The following ABCB5 variants were observed in gnomAD, a reference collection of about 807,000 sequenced individuals.
ABCB5 encodes ATP binding cassette subfamily B member 5, also known as ATP-binding cassette sub-family B member 5.
In ABCB5, 155 loss-of-function variants were observed where a neutral mutation model predicts 144.2. The ratio of observed to expected loss-of-function variants is 1.08; its 90% CI spans 0.94 to 1.23. The LOEUF (loss-of-function observed/expected upper bound fraction) is 1.23, where lower values mean the gene tolerates loss of function less well. Ranked by LOEUF, ABCB5 falls within the 50% of genes most tolerant of loss-of-function variation. The probability of loss-of-function intolerance (pLI) is 0.00; values close to 1 mark genes in which losing one functional copy is unlikely to be tolerated. For synonymous variants in ABCB5, 610 were observed against 528.6 expected (o/e 1.15, Z -2.11); for missense variants, 1,830 against 1,520.8 (o/e 1.20, Z -3.38).
At chr7:20,669,013 AG>A in intron 14 of ABCB5, among the ~76,000 whole-genome samples, 1 of 82,362 alleles carries the variant, frequency 1.2e-5, no homozygotes, top group Admixed American at 1.2e-4. Flanking sequence ...CGCCCTATCC[AG>A]GAGGTGAGGG....
At chr7:20,632,961 T>C (rs1784070699) in intron 5 of ABCB5, among the ~76,000 whole-genome samples, 1 of 151,712 alleles carries the variant, frequency 6.6e-6, no homozygotes, top group African/African-American at 2.4e-5. Context: ...TGTATACATA[T>C]GTAACTAACC....
chr7:20,721,728 A>G (rs1781874660), intron 20 of ABCB5, among the ~76,000 whole-genome samples: 1 of 152,236 alleles, frequency 6.6e-6, no homozygotes, highest in Admixed American at 6.5e-5. Flanking sequence ...AAAAATATAC[A>G]AAAATCTCAT....
chr7:20,704,797 A>T lies in ABCB5; in HGVS notation c.2411A>T (p.Gln804Leu). 6.2e-7 allele frequency: 1 copy of T among 1,612,286 alleles called. No individual in the cohort carries two copies. Among genetic ancestry groups the T allele is most frequent in the Non-Finnish European group, 8.5e-7 (1 of 1,178,622 alleles). Reference protein sequence around the residue: ...LTTILAIDIAQIQGATGSRIG... With the variant: ...LTTILAIDIALIQGATGSRIG... ...ACAATATTAGCCATAGATATAGCAC[A>T]AATTCAAGGAGTATGTATATTGTTT... is the stretch of plus-strand genomic sequence containing the variant. Residue 804 changes from glutamine (Q) to leucine (L), a missense_variant, in exon 20 of 28, where the codon CAA becomes CTA. Gln to Leu is a moderately radical substitution (Grantham distance 113). Transcript: ENST00000404938.
Position 20,723,057 on chromosome 7 carries a change from T to G in ABCB5, c.2463T>G (p.Thr821=). The part of the protein sequence containing the change: ...SRIGVLTQNA[T]NMGLSVIISF... ...TTGGCGTCTTAACACAAAATGCAAC[T>G]AACATGGGACTTTCAGTTATCATTT... The change falls in exon 21 of 28, where the codon ACT becomes ACG. Residue 821 remains threonine, a synonymous_variant. Transcript: ENST00000404938. 6.2e-7 allele frequency: 1 copy of G among 1,614,130 alleles called. No homozygotes were observed. The highest frequency in any genetic ancestry group is 1.1e-5 in the South Asian group (1 of 91,086).
At chr7:20,713,185 T>C (rs1781552325) in intron 20 of ABCB5, among the ~76,000 whole-genome samples, 1 of 149,502 alleles carries the variant, frequency 6.7e-6, no homozygotes, top group Non-Finnish European at 1.5e-5. Flanking sequence ...TGTCCATGGA[T>C]TCATTTTTAT....
chr7:20,691,037 T>C lies in ABCB5; in HGVS notation c.2010+5201T>C, dbSNP rs1425692569. ...TAATGGCTTCTGACATTGGACATCA[T>C]GCAAAGTAGGATAGTGATCTCTGTG... is the stretch of plus-strand genomic sequence containing the variant. On this transcript the variant is annotated intron_variant, in intron 16 of 27. Transcript: ENST00000404938. 2.6e-5 allele frequency among the ~76,000 whole-genome samples: 4 copies of C among 152,044 alleles called. No individual in the cohort carries two copies. The East Asian group carries it at 7.7e-4, about 29-fold the overall frequency.
chr7:20,745,343 G>A lies in ABCB5; in HGVS notation c.3334G>A (p.Ala1112Thr), dbSNP rs749029178. The change falls in exon 26 of 28, where the codon GCC becomes ACC. Residue 1112 changes from alanine to threonine, a missense_variant. Ala to Thr is a moderately conservative substitution (Grantham distance 58, BLOSUM62 0). Coordinates refer to ENST00000404938, the MANE Select transcript of ABCB5 (RefSeq NM_001163941.2). Reference protein sequence around the residue: ...LFNCSIAENIAYGDNSRVVPL... With the variant: ...LFNCSIAENITYGDNSRVVPL... ...CAACTGCAGCATTGCTGAGAACATC[G>A]CCTATGGTGACAACAGCCGTGTGGT... 31 of 1,613,958 alleles carry A rather than the reference G, an allele frequency of 1.9e-5. No individual in the cohort carries two copies. The African/African-American group carries it at 2.3e-4, about 12-fold the overall frequency.
chr7:20,717,945 A>G (rs1209775634), intron 20 of ABCB5, among the ~76,000 whole-genome samples: 2 of 107,826 alleles, frequency 1.9e-5, no homozygotes, highest in Non-Finnish European at 3.3e-5. Flanking sequence ...TCTGTCGCCC[A>G]GGCTGGAGTG....
At chr7:20,623,787 T>C (rs1008224176) in intron 2 of ABCB5, among the ~76,000 whole-genome samples, 2 of 152,242 alleles carry the variant, frequency 1.3e-5, no homozygotes, top group Non-Finnish European at 2.9e-5. Context: ...GTGGAATTCA[T>C]TAATTGAGAG....
At chr7:20,718,242 A>G (rs1021004368) in intron 20 of ABCB5, among the ~76,000 whole-genome samples, 1 of 152,168 alleles carries the variant, frequency 6.6e-6, no homozygotes, top group Admixed American at 6.5e-5. Context: ...ACTGGAGGTT[A>G]GACCTAAACA....
chr7:20,668,450 C>T (rs1198969440), intron 14 of ABCB5, among the ~76,000 whole-genome samples: 2 of 151,714 alleles, frequency 1.3e-5, no homozygotes, highest in African/African-American at 4.8e-5. Context: ...TCTGCCCGGC[C>T]GCCCCGTCTG....
chr7:20,694,543 G>A (rs2128042217), intron 16 of ABCB5, among the ~76,000 whole-genome samples: 1 of 152,086 alleles, frequency 6.6e-6, no homozygotes, highest in South Asian at 2.1e-4. Context: ...CGAGAACAAG[G>A]CAAGGGCATA....
At chr7:20,642,568 T>G (rs956048053) in intron 5 of ABCB5, among the ~76,000 whole-genome samples, 1 of 152,156 alleles carries the variant, frequency 6.6e-6, no homozygotes, top group African/African-American at 2.4e-5. Flanking sequence ...CTGCCAGAAT[T>G]GGAGGACTTA....
intron 20 of ABCB5, among the ~76,000 whole-genome samples, chr7:20,722,815 C>A (rs989056191): frequency 6.6e-6 from 1 of 151,572 alleles, no homozygotes; most frequent in Non-Finnish European, 1.5e-5. Flanking sequence ...GAGTGGGACT[C>A]CATCCCGGAA....
chr7:20,750,383 TACAC>T (rs3033674), intron 26 of ABCB5, among the ~76,000 whole-genome samples: 42,871 of 140,890 alleles, frequency 0.3, 7,057 homozygotes, highest in Non-Finnish European at 0.41. Flanking sequence ...GGCTTCCCCC[TACAC>T]ACACACACAC....
At chr7:20,728,693 G>T (rs750386381) in intron 23 of ABCB5, among the ~76,000 whole-genome samples, 2 of 152,208 alleles carry the variant, frequency 1.3e-5, no homozygotes, top group Non-Finnish European at 2.9e-5. Flanking sequence ...AATGGAGGCT[G>T]CAGTGAGCTG....
intron 2 of ABCB5, among the ~76,000 whole-genome samples, chr7:20,626,068 G>A (rs1265764115): frequency 5.3e-5 from 8 of 152,208 alleles, no homozygotes; most frequent in African/African-American, 1.9e-4. Context: ...CACAGAAGGA[G>A]AAATGCTATA....
At chr7:20,729,348 A>G (rs922574469) in intron 23 of ABCB5, among the ~76,000 whole-genome samples, 3 of 152,192 alleles carry the variant, frequency 2.0e-5, no homozygotes, top group Admixed American at 6.5e-5. Flanking sequence ...CTCAGTGTGG[A>G]GATGGCTTCC....
At chr7:20,740,282 A>T (rs549634419) in intron 24 of ABCB5, among the ~76,000 whole-genome samples, 31 of 152,300 alleles carry the variant, frequency 2.0e-4, no homozygotes, top group South Asian at 1.5e-3. Flanking sequence ...AGTCTTATAC[A>T]TTAAATATAC....
Sources: gnomAD v4.1 joint callset for allele counts (sites outside exome capture counted in the v4.1 genomes callset) on GRCh38, gnomAD v4.1.1 for gene constraint, MANE v1.5 for transcripts, NCBI Gene and HGNC (gene_info 2026-07-23, HGNC 2026-07-21) for gene names.